ZNF438: variants seen among roughly 807,000 people sequenced by gnomAD.
ZNF438 encodes the protein zinc finger protein 438.
A neutral mutation model predicts 38.0 loss-of-function variants in ZNF438; 25 were observed. The observed-to-expected ratio is 0.66, with a 90% CI of 0.48 to 0.92. The LOEUF (loss-of-function observed/expected upper bound fraction) is 0.92, where lower values mean the gene tolerates loss of function less well. Among genes scored for constraint, ZNF438 ranks in the 40% least tolerant of loss-of-function variants. The probability of loss-of-function intolerance (pLI) is 0.00; values close to 1 mark genes in which losing one functional copy is unlikely to be tolerated. For missense variants in ZNF438, 1,007 were observed against 999.6 expected (o/e 1.01, Z -0.10); for synonymous variants, 372 against 364.1 (o/e 1.02, Z -0.25).
At chr10:30,979,047 C>T (rs963223777) in intron 1 of ZNF438, among the ~76,000 whole-genome samples, 3 of 152,228 alleles carry the variant, frequency 2.0e-5, no homozygotes, top group African/African-American at 7.2e-5. Flanking sequence ...AATGGAACAA[C>T]AAAGCCTGGA....
intron 3 of ZNF438, among the ~76,000 whole-genome samples, chr10:30,902,488 A>G (rs1374722607): frequency 6.6e-6 from 1 of 152,168 alleles, no homozygotes; most frequent in Non-Finnish European, 1.5e-5. Context: ...TCCCCACCAG[A>G]TTAGCTAGAC....
chr10:30,948,639 A>G (rs2047753938), intron 1 of ZNF438, among the ~76,000 whole-genome samples: 3 of 151,382 alleles, frequency 2.0e-5, no homozygotes, highest in East Asian at 1.9e-4. Flanking sequence ...CAACTGGAAG[A>G]AAGGGTATCA....
At chr10:30,895,483 G>A (rs2041209062) in intron 3 of ZNF438, among the ~76,000 whole-genome samples, 1 of 152,108 alleles carries the variant, frequency 6.6e-6, no homozygotes, top group South Asian at 2.1e-4. Flanking sequence ...CAAAAACATA[G>A]GCAGCAAAGG....
intron 1 of ZNF438, among the ~76,000 whole-genome samples, chr10:30,991,423 C>T (rs1423016902): frequency 1.3e-5 from 2 of 152,208 alleles, no homozygotes; most frequent in East Asian, 3.9e-4. Flanking sequence ...ACTCCTGGAT[C>T]AACTTGCTGG....
At chr10:30,852,394 G>A (rs1431804799) in intron 4 of ZNF438, among the ~76,000 whole-genome samples, 1 of 151,922 alleles carries the variant, frequency 6.6e-6, no homozygotes, top group Non-Finnish European at 1.5e-5. Context: ...TTTTAGTAGA[G>A]ACAGGGTTTC....
chr10:30,857,767 A>G, intron 4 of ZNF438: 3 of 1,453,248 alleles, frequency 2.1e-6, no homozygotes, highest in Non-Finnish European at 2.8e-6. Flanking sequence ...CATTGCCATC[A>G]AAGGATTGGA....
intron 2 of ZNF438, 31 bp from the exon 4 acceptor site, chr10:30,909,046 T>C (rs1368530101): frequency 6.6e-6 from 1 of 152,170 alleles, no homozygotes; most frequent in Non-Finnish European, 1.5e-5. Flanking sequence ...TTACAAACTT[T>C]TAAGAGAAAA....
At chr10:30,857,964 C>A (rs1588815157) in intron 4 of ZNF438, among the ~76,000 whole-genome samples, 1 of 152,214 alleles carries the variant, frequency 6.6e-6, no homozygotes. Context: ...TCCTGATGTC[C>A]ATTGGCAGAA....
chr10:30,875,167 C>T (rs937984098), intron 4 of ZNF438, among the ~76,000 whole-genome samples: 2 of 152,104 alleles, frequency 1.3e-5, no homozygotes, highest in South Asian at 2.1e-4. Context: ...TCTTACTTTC[C>T]GGTCAATGGA....
At chr10:30,974,815 T>G (rs1386632254) in intron 1 of ZNF438, among the ~76,000 whole-genome samples, 1 of 152,232 alleles carries the variant, frequency 6.6e-6, no homozygotes, top group Admixed American at 6.5e-5. Flanking sequence ...ATTCCTCATT[T>G]AATAAATCTA....
intron 4 of ZNF438, among the ~76,000 whole-genome samples, chr10:30,862,874 C>A (rs748165517): frequency 6.6e-6 from 1 of 152,144 alleles, no homozygotes; most frequent in Non-Finnish European, 1.5e-5. Flanking sequence ...ACAAAGATAT[C>A]GCTTTTATAC....
Position 30,966,715 on chromosome 10 carries a change from T to C in ZNF438, c.-191-25064A>G, listed in dbSNP as rs60466838. Among the ~76,000 whole-genome samples the C allele has an allele frequency of 5.4e-3, 811 of 151,060 alleles. 6 individuals carry two copies. The highest frequency in any genetic ancestry group is 0.019 in the African/African-American group (779 of 41,140). ...AAAGGAAACCTATTGTGTGACAGGCTCTGTATTAGGCACTGGGGAACTAAA... is the reference window on the plus strand; with the variant it reads ...AAAGGAAACCTATTGTGTGACAGGCCCTGTATTAGGCACTGGGGAACTAAA... On this transcript the variant is annotated intron_variant, in intron 1 of 5. Coordinates refer to ENST00000413025, the Ensembl canonical transcript of ZNF438.
At chr10:30,941,528 T>TTAAA in intron 2 of ZNF438, 47 bp downstream of exon 3, 1 of 152,316 alleles carries the variant, frequency 6.6e-6, no homozygotes, top group Admixed American at 6.5e-5. Flanking sequence ...TCTTTGCATT[T>TTAAA]TAAATAAATC....
At chr10:30,934,005 G>A (rs2045964727) in intron 2 of ZNF438, among the ~76,000 whole-genome samples, 1 of 152,104 alleles carries the variant, frequency 6.6e-6, no homozygotes, top group African/African-American at 2.4e-5. Flanking sequence ...AATTAGCCGG[G>A]TGTGGTGGCG....
intron 3 of ZNF438, among the ~76,000 whole-genome samples, chr10:30,900,959 C>A (rs1307600776): frequency 6.6e-6 from 1 of 152,126 alleles, no homozygotes; most frequent in African/African-American, 2.4e-5. Context: ...AGTAAAAATA[C>A]CCCAGGAGAA....
At chr10:30,860,650 C>T (rs1329544536) in intron 4 of ZNF438, among the ~76,000 whole-genome samples, 1 of 152,162 alleles carries the variant, frequency 6.6e-6, no homozygotes, top group Non-Finnish European at 1.5e-5. Flanking sequence ...CTGTCCAGAA[C>T]CCACTCCCAC....
rs1057324718 is a variant in ZNF438 at position 31,006,380 on chromosome 10, C to A, written c.-192+25453G>T. ...AAGCTTAAATAGAAACCCAAAAGGG[C>A]AGGGTTTGGAGAGCTTTCAAATAGC... On this transcript the variant is annotated intron_variant, in intron 1 of 5. Coordinates refer to ENST00000413025, the Ensembl canonical transcript of ZNF438. 7.9e-5 allele frequency among the ~76,000 whole-genome samples: 12 copies of A among 151,596 alleles called. No individual in the cohort carries two copies. The East Asian group carries it at 1.9e-3, about 24-fold the overall frequency.
chr10:30,886,602 A>G (rs1273174934), intron 3 of ZNF438, among the ~76,000 whole-genome samples: 1 of 152,212 alleles, frequency 6.6e-6, no homozygotes, highest in African/African-American at 2.4e-5. Context: ...ATCATCTAAC[A>G]CAAAGCCTGT....
rs113218706 is a variant in ZNF438 at position 30,943,837 on chromosome 10, C to T, written c.-191-2186G>A. Among the ~76,000 whole-genome samples, 57 of 150,054 alleles carry T rather than the reference C, an allele frequency of 3.8e-4. No homozygotes were observed. The East Asian group carries it at 6.2e-3, about 16-fold the overall frequency. ...CTTTAAAACCTAGATTTTTTAAATG[C>T]CATGCTTTTTCTTGAGATGGTAAAA... On this transcript the variant is annotated intron_variant, in intron 1 of 5. Coordinates refer to ENST00000413025, the Ensembl canonical transcript of ZNF438.
Sources: gnomAD v4.1 joint callset for allele counts (sites outside exome capture counted in the v4.1 genomes callset) on GRCh38, gnomAD v4.1.1 for gene constraint, MANE v1.5 for transcripts, NCBI Gene and HGNC (gene_info 2026-07-23, HGNC 2026-07-21) for gene names.